Variants in AR observed in about 807,000 individuals in gnomAD.
AR encodes the protein dihydrotestosterone receptor.
In AR, 8 loss-of-function variants were observed where a neutral mutation model predicts 53.9. The ratio of observed to expected loss-of-function variants is 0.15; its 90% CI spans 0.09 to 0.27. The LOEUF (loss-of-function observed/expected upper bound fraction) is 0.27, where lower values mean the gene tolerates loss of function less well. Among genes scored for constraint, AR ranks in the 10% least tolerant of loss-of-function variants. The pLI is 1.00. For missense variants in AR, 639 were observed against 742.5 expected, an observed-to-expected ratio of 0.86 and a Z score of 1.62; for synonymous variants, 359 against 316.4, an observed-to-expected ratio of 1.13 and a Z score of -1.43.
At chrX:67,660,993 A>ACT (rs1926878526) in intron 2 of AR, among the ~76,000 whole-genome samples, 1 of 111,389 alleles carries the variant, frequency 9.0e-6, no homozygotes. Context: ...ATGGGAGTTC[A>ACT]CTCATGATTT....
intron 2 of AR, among the ~76,000 whole-genome samples, chrX:67,652,787 T>A (rs1175642342): frequency 8.9e-6 from 1 of 112,112 alleles, no homozygotes; most frequent in Non-Finnish European, 1.9e-5. Context: ...TGTAACTGTA[T>A]GTCTTCCTCC....
At chrX:67,594,720 G>T (rs1923000914) in intron 1 of AR, among the ~76,000 whole-genome samples, 1 of 111,829 alleles carries the variant, frequency 8.9e-6, no homozygotes, top group Non-Finnish European at 1.9e-5. Context: ...GGCCAAGGTG[G>T]GTGGATCACT....
chrX:67,655,724 A>G (rs183584988), intron 2 of AR, among the ~76,000 whole-genome samples: 152 of 111,594 alleles, frequency 1.4e-3, no homozygotes, highest in African/African-American at 4.7e-3. Flanking sequence ...TAAAATAGGC[A>G]TACAGATGAC....
chrX:67,581,319 A>G (rs951298124), intron 1 of AR, among the ~76,000 whole-genome samples: 1 of 112,046 alleles, frequency 8.9e-6, no homozygotes, highest in Non-Finnish European at 1.9e-5. Flanking sequence ...GTGATGTTTT[A>G]TATGTACCTC....
rs371057180 is a variant in AR at position 67,723,757 on chromosome X, G to A, written c.2679G>A (p.Pro893=). ...IKSHMVSVDF[P]EMMAEIISVQ... is the part of the protein sequence containing the mutation. ...CACACATGGTGAGCGTGGACTTTCC[G>A]GAAATGATGGCAGAGATCATCTCTG... Residue 893 remains proline, a synonymous_variant, in exon 8 of 8, where the codon CCG becomes CCA. Coordinates refer to ENST00000374690, the MANE Select transcript of AR (RefSeq NM_000044.6). 1.3e-4 allele frequency: 163 copies of A among 1,208,362 alleles called. No homozygotes were observed. The highest frequency in any genetic ancestry group is 1.6e-4 in the Non-Finnish European group (142 of 894,746).
chrX:67,703,274 C>T (rs1289191852), intron 3 of AR, among the ~76,000 whole-genome samples: 2 of 111,445 alleles, frequency 1.8e-5, no homozygotes, highest in African/African-American at 6.5e-5. Flanking sequence ...TTTCTCAGTG[C>T]AACTGCTTAT....
chrX:67,570,742 T>C (rs1268817029), intron 1 of AR, among the ~76,000 whole-genome samples: 3 of 110,852 alleles, frequency 2.7e-5, no homozygotes, highest in Non-Finnish European at 5.7e-5. Context: ...TTGTGATAAT[T>C]CTTATTTGTG....
At chrX:67,719,806 G>A (rs779732961) in intron 5 of AR, among the ~76,000 whole-genome samples, 1 of 112,159 alleles carries the variant, frequency 8.9e-6, no homozygotes, top group South Asian at 3.7e-4. Flanking sequence ...CTCCAGTTGA[G>A]TGCAACTAAT....
chrX:67,634,747 T>C (rs759781749), intron 1 of AR, among the ~76,000 whole-genome samples: 1 of 111,825 alleles, frequency 8.9e-6, no homozygotes, highest in East Asian at 2.8e-4. Flanking sequence ...ATATTCCTTG[T>C]AACCACAAAT....
rs2076155039 is a variant in AR at position 67,725,748 on chromosome X, C to T, written c.*1907C>T. 1 of 175,825 alleles carries T rather than the reference C, an allele frequency of 5.7e-6. No homozygotes were observed. Among genetic ancestry groups the T allele is most frequent in the African/African-American group, 2.9e-5 (1 of 34,485 alleles). 14.5% of individuals were successfully genotyped at this position (175,825 alleles called of 1,213,427 possible). A position where few individuals can be genotyped will look rare whatever the true frequency, so the allele number is the denominator to read the frequency against. On this transcript the variant is annotated 3_prime_UTR_variant, in exon 8 of 8. Transcript: ENST00000374690. ...CCTCTTAGTCAGAGGGAGGCCAAAC[C>T]ATTGAGACTTTCTACAGAACCATGG... is the stretch of plus-strand genomic sequence containing the variant.
chrX:67,580,127 A>G (rs1922226603), intron 1 of AR, among the ~76,000 whole-genome samples: 1 of 109,015 alleles, frequency 9.2e-6, no homozygotes. Flanking sequence ...GTTCATCTTA[A>G]GCATATGGCT....
chrX:67,716,466 G>A (rs1333512136), intron 4 of AR, among the ~76,000 whole-genome samples: 1 of 112,074 alleles, frequency 8.9e-6, no homozygotes, highest in Non-Finnish European at 1.9e-5. Context: ...GTAACTGCCT[G>A]TGCAGAGATA....
At chrX:67,574,607 C>T (rs1275654781) in intron 1 of AR, among the ~76,000 whole-genome samples, 5 of 111,498 alleles carry the variant, frequency 4.5e-5, no homozygotes, top group Non-Finnish European at 9.4e-5. Flanking sequence ...TTTAGCCTCT[C>T]ATCCCCATAA....
At chrX:67,574,809 G>A (rs1411444883) in intron 1 of AR, among the ~76,000 whole-genome samples, 1 of 111,520 alleles carries the variant, frequency 9.0e-6, no homozygotes, top group African/African-American at 3.3e-5. Context: ...TGGGAAGGAA[G>A]AAATTAGCCT....
chrX:67,592,583 A>G (rs898359509), intron 1 of AR, among the ~76,000 whole-genome samples: 1 of 108,387 alleles, frequency 9.2e-6, no homozygotes, highest in African/African-American at 3.3e-5. Context: ...AAGTGACTGC[A>G]TATCACGTCA....
chrX:67,586,246 T>C (rs1421919421), intron 1 of AR, among the ~76,000 whole-genome samples: 3 of 111,758 alleles, frequency 2.7e-5, no homozygotes, highest in African/African-American at 9.8e-5. Context: ...TTCCTTCTAC[T>C]TTTTTCTCCC....
intron 2 of AR, among the ~76,000 whole-genome samples, chrX:67,643,681 G>T (rs1331442181): frequency 8.9e-6 from 1 of 111,768 alleles, no homozygotes; most frequent in Non-Finnish European, 1.9e-5. Context: ...AAAAATTAAT[G>T]ATTTGAAAAG....
intron 3 of AR, among the ~76,000 whole-genome samples, chrX:67,687,099 C>T (rs2075971060): frequency 1.8e-5 from 2 of 111,651 alleles, no homozygotes; most frequent in South Asian, 7.6e-4. Context: ...AGCCTCATAC[C>T]CAATTATTCA....
intron 1 of AR, among the ~76,000 whole-genome samples, chrX:67,609,362 A>C (rs1183671954): frequency 2.7e-5 from 3 of 111,443 alleles, no homozygotes; most frequent in Non-Finnish European, 5.7e-5. Context: ...AAGTACTTCT[A>C]GCAGCATATG....
Sources: gnomAD v4.1 joint callset for allele counts (sites outside exome capture counted in the v4.1 genomes callset) on GRCh38, gnomAD v4.1.1 for gene constraint, MANE v1.5 for transcripts, NCBI Gene and HGNC (gene_info 2026-07-23, HGNC 2026-07-21) for gene names.